EXT1: variants seen among roughly 807,000 people sequenced by gnomAD.
EXT1 encodes the protein exostosin glycosyltransferase 1.
EXT1 carries 20 observed loss-of-function variants against 82.5 expected under a neutral mutation model. The observed-to-expected ratio is 0.24, with a 90% CI of 0.17 to 0.35. The LOEUF (loss-of-function observed/expected upper bound fraction) is 0.35, where lower values mean the gene tolerates loss of function less well. EXT1 is among the 10% of genes least tolerant of loss of function. EXT1 has a pLI of 1.00. For synonymous variants in EXT1, 348 were observed against 350.8 expected (o/e 0.99, Z 0.09); for missense variants, 757 against 936.5 (o/e 0.81, Z 2.50).
intron 1 of EXT1, among the ~76,000 whole-genome samples, chr8:117,955,556 G>A (rs1814569771): frequency 6.6e-6 from 1 of 151,418 alleles, no homozygotes; most frequent in Non-Finnish European, 1.5e-5. Flanking sequence ...GGTGTCAAGG[G>A]GCAGAGACCA....
chr8:117,875,376 G>T (rs1471911215), intron 1 of EXT1, among the ~76,000 whole-genome samples: 1 of 151,862 alleles, frequency 6.6e-6, no homozygotes, highest in African/African-American at 2.4e-5. Context: ...AGCTGAGATC[G>T]TGCCACTGCA....
chr8:117,952,018 G>C (rs1324721823), intron 1 of EXT1, among the ~76,000 whole-genome samples: 2 of 152,170 alleles, frequency 1.3e-5, no homozygotes, highest in African/African-American at 4.8e-5. Context: ...CTATTTTGCT[G>C]ACCCTGGTTT....
At chr8:118,028,363 G>A (rs1000889701) in intron 1 of EXT1, among the ~76,000 whole-genome samples, 3 of 152,142 alleles carry the variant, frequency 2.0e-5, no homozygotes, top group African/African-American at 4.8e-5. Flanking sequence ...GAAAATTGAT[G>A]CATAAAAGAA....
chr8:117,997,526 G>C (rs1350585230), intron 1 of EXT1, among the ~76,000 whole-genome samples: 1 of 151,632 alleles, frequency 6.6e-6, no homozygotes, highest in South Asian at 2.1e-4. Flanking sequence ...TGTCTCTAAG[G>C]GGCCAGATTT....
chr8:117,799,642 T>A lies in EXT1; in HGVS notation c.*70A>T. On this transcript the variant is annotated 3_prime_UTR_variant, in exon 11 of 11. Transcript: ENST00000378204. ...ATCTGGCTCTGCTGATGAGTGGATC[T>A]GCACTGGGAAGAGAGAGCAGCTTGA... 1 of 1,555,698 alleles carries A rather than the reference T, an allele frequency of 6.4e-7. No individual in the cohort carries two copies. The highest frequency in any genetic ancestry group is 8.9e-7 in the Non-Finnish European group (1 of 1,127,416).
intron 1 of EXT1, among the ~76,000 whole-genome samples, chr8:118,103,639 T>C (rs1276182851): frequency 6.6e-6 from 1 of 152,108 alleles, no homozygotes; most frequent in East Asian, 1.9e-4. Flanking sequence ...CAGCGACATC[T>C]CCAGGGTTCA....
intron 1 of EXT1, among the ~76,000 whole-genome samples, chr8:117,904,597 T>C (rs1813509016): frequency 6.6e-6 from 1 of 152,214 alleles, no homozygotes; most frequent in African/African-American, 2.4e-5. Flanking sequence ...TAGAATTAAA[T>C]TGACACTCAT....
intron 1 of EXT1, among the ~76,000 whole-genome samples, chr8:118,097,159 C>T (rs1365479772): frequency 2.0e-5 from 3 of 152,084 alleles, no homozygotes; most frequent in Admixed American, 6.6e-5. Context: ...CCTGGAACTT[C>T]GGCCGGCTGG....
chr8:118,022,776 C>T (rs1002280253), intron 1 of EXT1, among the ~76,000 whole-genome samples: 1 of 152,048 alleles, frequency 6.6e-6, no homozygotes, highest in African/African-American at 2.4e-5. Flanking sequence ...TGCAACGAGA[C>T]AGGTTAAAAG....
At chr8:118,002,919 A>G (rs2129814944) in intron 1 of EXT1, among the ~76,000 whole-genome samples, 1 of 152,280 alleles carries the variant, frequency 6.6e-6, no homozygotes, top group East Asian at 1.9e-4. Flanking sequence ...TATGAAAAAG[A>G]TATTTGCACA....
intron 1 of EXT1, among the ~76,000 whole-genome samples, chr8:118,048,678 A>T (rs1443336215): frequency 1.3e-5 from 2 of 152,206 alleles, no homozygotes; most frequent in African/African-American, 4.8e-5. Context: ...TAATATTTGT[A>T]TATGTGTAAA....
chr8:118,023,204 G>A (rs982290019), intron 1 of EXT1, among the ~76,000 whole-genome samples: 1 of 152,148 alleles, frequency 6.6e-6, no homozygotes, highest in East Asian at 1.9e-4. Flanking sequence ...AGTTTGCTGG[G>A]AATAAGGTAA....
At chr8:117,806,904 T>C (rs1823246782) in intron 9 of EXT1, among the ~76,000 whole-genome samples, 1 of 152,232 alleles carries the variant, frequency 6.6e-6, no homozygotes, top group Non-Finnish European at 1.5e-5. Flanking sequence ...AACAGTGCCC[T>C]TGGGTGCTGA....
chr8:118,055,484 A>G (rs1816780856), intron 1 of EXT1, among the ~76,000 whole-genome samples: 1 of 152,198 alleles, frequency 6.6e-6, no homozygotes, highest in African/African-American at 2.4e-5. Flanking sequence ...ATCCACCTCT[A>G]TCTGAAGAAG....
chr8:118,081,205 C>T (rs1299394667), intron 1 of EXT1, among the ~76,000 whole-genome samples: 1 of 152,180 alleles, frequency 6.6e-6, no homozygotes. Context: ...TAACCTCAAC[C>T]ATTTCCCCAA....
At chr8:118,047,769 T>C (rs1268651221) in intron 1 of EXT1, among the ~76,000 whole-genome samples, 1 of 152,172 alleles carries the variant, frequency 6.6e-6, no homozygotes, top group Non-Finnish European at 1.5e-5. Context: ...TGCCCCATAG[T>C]TCTCTTTGCT....
chr8:117,810,226 C>T (rs17503124), intron 8 of EXT1, among the ~76,000 whole-genome samples: 2,875 of 152,140 alleles, frequency 0.019, 102 homozygotes, highest in African/African-American at 0.067. Flanking sequence ...TTTAAAAATC[C>T]ATCCTTAATG....
chr8:117,956,986 G>A (rs1814599335), intron 1 of EXT1, among the ~76,000 whole-genome samples: 1 of 152,144 alleles, frequency 6.6e-6, no homozygotes, highest in Admixed American at 6.5e-5. Context: ...TTTGAAACAT[G>A]TTGTTTCACT....
At chr8:118,097,656 G>A (rs1178049818) in intron 1 of EXT1, among the ~76,000 whole-genome samples, 4 of 152,100 alleles carry the variant, frequency 2.6e-5, no homozygotes, top group South Asian at 4.1e-4. Flanking sequence ...TGTATGCCAT[G>A]ATCCTCAGCC....
Sources: allele counts gnomAD v4.1 joint callset (sites outside exome capture counted in the v4.1 genomes callset), GRCh38; gene constraint gnomAD v4.1.1; transcripts MANE v1.5; gene names NCBI Gene and HGNC (gene_info 2026-07-23, HGNC 2026-07-21).